The following LARGE2 variants were observed in gnomAD, a reference collection of about 807,000 sequenced individuals.
The protein encoded by LARGE2 is xylosyl- and glucuronyltransferase LARGE2.
LARGE2 carries 63 observed loss-of-function variants against 75.3 expected under a neutral mutation model. The observed-to-expected ratio is 0.84, with a 90% CI of 0.68 to 1.03. The LOEUF is 1.03. Ranked by LOEUF, LARGE2 falls within the 50% of genes least tolerant of loss-of-function variation. The pLI is 0.00. For synonymous variants in LARGE2, 428 were observed against 420.1 expected (o/e 1.02, Z -0.23); for missense variants, 925 against 980.6 (o/e 0.94, Z 0.76).
chr11:45,924,728 C>A, intron 5 of LARGE2, 51 bp downstream of exon 5: 1 of 1,554,680 alleles, frequency 6.4e-7, no homozygotes, highest in Non-Finnish European at 8.7e-7. Flanking sequence ...TGCATCCAGC[C>A]CTGAGCCCAG....
chr11:45,923,419 C>T (rs1565088756), intron 2 of LARGE2, 54 bp from the exon 3 acceptor site: 1 of 1,543,566 alleles, frequency 6.5e-7, no homozygotes, highest in Non-Finnish European at 8.8e-7. Context: ...AACATGGGTC[C>T]TCACCGCCTA....
At chr11:45,922,198 C>T (rs2086942358), upstream of LARGE2, among the ~76,000 whole-genome samples, 1 of 152,088 alleles carries the variant, frequency 6.6e-6, no homozygotes, top group Non-Finnish European at 1.5e-5. Flanking sequence ...GAGGCGAAGG[C>T]TTCAGGTGCT....
In LARGE2 at chr11:45,927,483, A is replaced by C; in HGVS notation, c.1494A>C (p.Leu498=). Residue 498 remains leucine (L), a synonymous_variant, in exon 11 of 14, where the codon CTA becomes CTC. Coordinates refer to ENST00000401752, the MANE Select transcript of LARGE2 (RefSeq NM_001300721.2). ...AYHVVYREGP[L]YPVNQLRNVA... The stretch of plus-strand genomic sequence containing the variant: ...ATGTGGTGTACCGTGAGGGGCCCCT[A>C]TACCCCGTCAACCAGCTTCGCAACG... 6.2e-7 allele frequency: 1 copy of C among 1,614,192 alleles called. No homozygotes were observed.
chr11:45,927,674 C>A (rs2087240774), intron 11 of LARGE2, 81 bp downstream of exon 11: 1 of 1,565,514 alleles, frequency 6.4e-7, no homozygotes, highest in Non-Finnish European at 8.7e-7. Context: ...CTTCCATGTC[C>A]CTGCTCCTTT....
chr11:45,926,697 C>A lies in LARGE2; in HGVS notation c.1165-14C>A. ...TGCCCTATCCCCGGTCCTTGTCACC[C>A]CTTGCCCCCTCAGTTGCAGCAGGCC... On this transcript the variant is annotated splice_polypyrimidine_tract_variant and intron_variant, in intron 9 of 13. Transcript: ENST00000401752. 6.2e-7 allele frequency: 1 copy of A among 1,609,966 alleles called. No individual in the cohort carries two copies. The highest frequency in any genetic ancestry group is 8.5e-7 in the Non-Finnish European group (1 of 1,177,692).
rs1339176891 is a variant in LARGE2 at position 45,928,229 on chromosome 11, G to A, written c.1807G>A (p.Glu603Lys). Residue 603 changes from glutamate (E) to lysine (K), a missense_variant, in exon 13 of 14, where the codon GAG becomes AAG. Transcript: ENST00000401752. ...ACCCACAGACTATGCCCGCTGGCGG[G>A]AGGCTCAGGCCCCGTACCGTGTGCA... ...HAPTDYARWR[E>K]AQAPYRVQWA... 2 of 1,613,938 alleles carry A rather than the reference G, an allele frequency of 1.2e-6. No individual in the cohort carries two copies. The highest frequency in any genetic ancestry group is 1.1e-5 in the South Asian group (1 of 91,092).
In LARGE2 at chr11:45,924,795, G is replaced by C. The variant is rs747695475; in HGVS notation, c.675G>C (p.Ala225=). ...ALFAHFSDTQ[A]IGLVENQSDW... ...GCCCTCCCCTCCCAGACACGCAGGC[G>C]ATCGGTCTTGTGGAGAACCAGAGTG... Residue 225 remains alanine, a synonymous_variant, in exon 6 of 14, where the codon GCG becomes GCC. Coordinates refer to ENST00000401752, the MANE Select transcript of LARGE2 (RefSeq NM_001300721.2). 4.0e-6 allele frequency: 6 copies of C among 1,506,964 alleles called. No individual in the cohort carries two copies. In the African/African-American group the frequency reaches 5.6e-5, roughly 14 times the overall value. 93.3% of individuals were successfully genotyped at this position (1,506,964 alleles called of 1,614,324 possible).
At chr11:45,926,382 G>C (rs780484283) in intron 8 of LARGE2, 35 bp downstream of exon 8, 2 of 1,613,704 alleles carry the variant, frequency 1.2e-6, no homozygotes, top group Admixed American at 3.3e-5. Context: ...GTGGTGGGGG[G>C]CCATGGATGG....
intron 8 of LARGE2, 24 bp downstream of exon 8, chr11:45,926,371 G>A: frequency 1.2e-6 from 2 of 1,613,978 alleles, no homozygotes; most frequent in Non-Finnish European, 1.7e-6. Context: ...GAGGCTGTGT[G>A]GTGGTGGGGG....
intron 13 of LARGE2, 124 bp from the exon 14 acceptor site, chr11:45,928,506 A>T: frequency 6.5e-7 from 1 of 1,530,346 alleles, no homozygotes; most frequent in Non-Finnish European, 8.8e-7. Flanking sequence ...GAATTAAAAT[A>T]ATCTGCCCTT....
rs1010882634 is a variant in LARGE2 at position 45,926,512 on chromosome 11, A to G, written c.1079A>G (p.Tyr360Cys). The G allele has an allele frequency of 6.2e-7, 1 of 1,614,122 alleles. No individual in the cohort carries two copies. The highest frequency in any genetic ancestry group is 8.5e-7 in the Non-Finnish European group (1 of 1,180,014). Residue 360 changes from tyrosine (Y) to cysteine (C), a missense_variant, in exon 9 of 14, where the codon TAC becomes TGC. Transcript: ENST00000401752. ...CATGTGGAATTCTTCCGCAATTTCT[A>G]CCTGACCTTCCTGGAGTACGATGGG... ...NKHVEFFRNF[Y>C]LTFLEYDGNL...
chr11:45,927,157 T>C (rs561942246), intron 10 of LARGE2, among the ~76,000 whole-genome samples, 158 bp from the exon 11 acceptor site: 1 of 152,266 alleles, frequency 6.6e-6, no homozygotes, highest in East Asian at 1.9e-4. Flanking sequence ...TGGGGGTAGT[T>C]GTGAAGATTC....
Position 45,923,108 on chromosome 11 carries a change from C to A in LARGE2, c.226C>A (p.Pro76Thr). Residue 76 changes from proline (P) to threonine (T), a missense_variant, in exon 2 of 14, where the codon CCC becomes ACC. This residue lies in a region of LARGE2 where 453 missense variants were observed against 460.2 expected (regional missense o/e 0.98). Transcript: ENST00000401752. ...AALDGDPGAG[P>T]GDHNRSDCGP... Reference sequence around the variant, plus strand: ...CCTCGACGGAGACCCGGGGGCCGGCCCCGGGGACCACAACCGCTCCGACTG... The same window carrying A: ...CCTCGACGGAGACCCGGGGGCCGGCACCGGGGACCACAACCGCTCCGACTG... 2 of 1,393,730 alleles carry A rather than the reference C, an allele frequency of 1.4e-6. No individual in the cohort carries two copies. The highest frequency in any genetic ancestry group is 1.9e-6 in the Non-Finnish European group (2 of 1,078,808). The allele number at this position is 1,393,730 out of a possible 1,614,324, so 86.3% of individuals were successfully genotyped here.
In LARGE2 at chr11:45,926,159, G is replaced by A; in HGVS notation, c.882+8G>A. 6.3e-7 allele frequency: 1 copy of A among 1,599,452 alleles called. No homozygotes were observed. The highest frequency in any genetic ancestry group is 8.5e-7 in the Non-Finnish European group (1 of 1,173,020). ...ACCTCACTGGCTGACCAGGTCTGAG[G>A]AAGCCTTGCCGGGTGGGGTGTGGCA... On this transcript the variant is annotated splice_region_variant and intron_variant, in intron 7 of 13. Transcript: ENST00000401752.
Position 45,922,909 on chromosome 11 carries a change from G to A in LARGE2, c.27G>A (p.Ala9=). 1 of 1,274,142 alleles carries A rather than the reference G, an allele frequency of 7.8e-7. No homozygotes were observed. Among genetic ancestry groups the A allele is most frequent in the East Asian group, 3.1e-5 (1 of 31,866 alleles). 78.9% of individuals were successfully genotyped at this position (1,274,142 alleles called of 1,614,324 possible). The change falls in exon 2 of 14, where the codon GCG becomes GCA. Residue 9 remains alanine, a synonymous_variant. Transcript: ENST00000401752. ...TGCTGCCCCGAGGGCGCCCCCGGGC[G>A]CTGGGGGCCGCCGCGCTGTTGCTGC... MLPRGRPR[A]LGAAALLLLL...
rs1370995975 is a variant in LARGE2 at position 45,926,826 on chromosome 11, C to G, written c.1280C>G (p.Pro427Arg). The G allele has an allele frequency of 6.2e-6, 10 of 1,613,228 alleles. No individual in the cohort carries two copies. The highest frequency in any genetic ancestry group is 8.5e-6 in the Non-Finnish European group (10 of 1,180,016). Reference sequence around the variant, plus strand: ...TTCCTGCCCCATGAACCGCCACCCCCCCGGCCTCACGATGTCACCCTTGTG... The same window carrying G: ...TTCCTGCCCCATGAACCGCCACCCCGCCGGCCTCACGATGTCACCCTTGTG... The part of the protein sequence containing the change: ...VTFLPHEPPP[P>R]RPHDVTLVAQ... Residue 427 changes from proline (P) to arginine (R), a missense_variant, in exon 10 of 14, where the codon CCC (proline) becomes CGC (arginine). Physicochemically the swap from Pro to Arg is moderately radical, Grantham distance 103 (BLOSUM62 -2). Transcript: ENST00000401752.
chr11:45,928,200 A>G lies in LARGE2; in HGVS notation c.1778A>G (p.His593Arg). 1 of 1,613,632 alleles carries G rather than the reference A, an allele frequency of 6.2e-7. No homozygotes were observed. Residue 593 changes from histidine (H) to arginine (R), a missense_variant, in exon 13 of 14, where the codon CAC (histidine) becomes CGC (arginine). By Grantham distance (29) the His-to-Arg change is conservative (BLOSUM62 0). Coordinates refer to ENST00000401752, the MANE Select transcript of LARGE2 (RefSeq NM_001300721.2). Reference protein sequence around the residue: ...TFRYHEWPRGHAPTDYARWRE... With the variant: ...TFRYHEWPRGRAPTDYARWRE... ...AGGTACCACGAGTGGCCCCGAGGCC[A>G]CGCACCCACAGACTATGCCCGCTGG... is the stretch of plus-strand genomic sequence containing the variant.
chr11:45,927,291 G>A (rs780032515), intron 10 of LARGE2, 24 bp from the exon 11 acceptor site: 2 of 1,604,516 alleles, frequency 1.2e-6, no homozygotes, highest in Non-Finnish European at 1.7e-6. Context: ...GGGCAGAGCT[G>A]TGCTGACCTC....
intron 4 of LARGE2, 55 bp from the exon 5 acceptor site, chr11:45,924,451 C>CTGG (rs1232343610): frequency 2.5e-6 from 4 of 1,591,406 alleles, no homozygotes; most frequent in Non-Finnish European, 3.4e-6. Context: ...AGCATGTGTT[C>CTGG]TGGTGCTCAT....
Sources: gnomAD v4.1 joint callset for allele counts (sites outside exome capture counted in the v4.1 genomes callset) on GRCh38, gnomAD v4.1.1 for gene constraint, gnomAD v4.1.1 regional missense constraint, MANE v1.5 for transcripts, NCBI Gene and HGNC (gene_info 2026-07-23, HGNC 2026-07-21) for gene names.